KARS1: variants seen among roughly 807,000 people sequenced by gnomAD.
KARS1 encodes the protein lysine--tRNA ligase.
In KARS1, 50 loss-of-function variants were observed where a neutral mutation model predicts 63.9. The observed-to-expected ratio is 0.78, with a 90% CI of 0.62 to 0.99. KARS1 has a LOEUF of 0.99. Ranked by LOEUF, KARS1 falls within the 50% of genes least tolerant of loss-of-function variation. The pLI is 0.00. For missense variants in KARS1, 816 were observed against 754.5 expected (o/e 1.08, Z -0.95); for synonymous variants, 320 against 264.6 (o/e 1.21, Z -2.03).
Position 75,641,438 on chromosome 16 carries a change from T to C in KARS1, c.222+126A>G. ...TTTAACCAGATGCAGTGGGAGACCC[T>C]CCCTTATCCCTGGCAGTGACCTCAG... is the stretch of plus-strand genomic sequence containing the variant. On this transcript the variant is annotated intron_variant, in intron 2 of 13. Coordinates refer to ENST00000302445, the MANE Select transcript of KARS1 (RefSeq NM_005548.3). 4 of 770,920 alleles carry C rather than the reference T, an allele frequency of 5.2e-6. No homozygotes were observed. The South Asian group carries it at 6.3e-5, about 12-fold the overall frequency. 47.8% of individuals were successfully genotyped at this position (770,920 alleles called of 1,614,324 possible).
intron 9 of KARS1, 78 bp downstream of exon 9, chr16:75,631,338 C>A (rs543972962): frequency 5.1e-6 from 8 of 1,582,646 alleles, no homozygotes; most frequent in African/African-American, 4.0e-5. Flanking sequence ...GTGGGAAATT[C>A]TAGCTCTGAC....
rs749059719 is a variant in KARS1 at position 75,631,688 on chromosome 16, G to C, written c.1078+5C>G. 1 of 1,614,082 alleles carries C rather than the reference G, an allele frequency of 6.2e-7. No individual in the cohort carries two copies. Among genetic ancestry groups the C allele is most frequent in the African/African-American group, 1.3e-5 (1 of 74,926 alleles). On this transcript the variant is annotated splice_donor_5th_base_variant and intron_variant, in intron 8 of 13. Coordinates refer to ENST00000302445, the MANE Select transcript of KARS1 (RefSeq NM_005548.3). ...CCGATGAGTATGAGAGAGAGCAGGA[G>C]TCACCTGAAACCATCTTCTCCGTGA... is the stretch of plus-strand genomic sequence containing the variant.
At chr16:75,639,565 A>G (rs1395907103) in intron 3 of KARS1, among the ~76,000 whole-genome samples, 7 of 114,458 alleles carry the variant, frequency 6.1e-5, no homozygotes, top group East Asian at 4.1e-4. Context: ...GAGTGAGACT[A>G]TATCTCAAAA....
chr16:75,639,257 A>T (rs906717436), intron 3 of KARS1, among the ~76,000 whole-genome samples: 11 of 151,930 alleles, frequency 7.2e-5, no homozygotes, highest in Non-Finnish European at 1.2e-4. Context: ...AGAATACTGA[A>T]CTAGAATAAC....
intron 1 of KARS1, among the ~76,000 whole-genome samples, chr16:75,642,491 C>A (rs187588111): frequency 7.2e-4 from 109 of 152,196 alleles, no homozygotes; most frequent in African/African-American, 2.6e-3. Context: ...TGTGAGCCAC[C>A]TGACCCCTCC....
At chr16:75,637,390 T>C (rs1198649081) in intron 3 of KARS1, among the ~76,000 whole-genome samples, 1 of 151,486 alleles carries the variant, frequency 6.6e-6, no homozygotes, top group African/African-American at 2.4e-5. Flanking sequence ...CTCTGGAAAA[T>C]GTGAACCTTT....
chr16:75,640,463 C>G, intron 2 of KARS1, 114 bp from the exon 3 acceptor site: 1 of 979,416 alleles, frequency 1.0e-6, no homozygotes, highest in Non-Finnish European at 1.6e-6. Flanking sequence ...ACATTGTTTT[C>G]TTTAACCAAG....
At chr16:75,642,242 G>C (rs1262337555) in intron 1 of KARS1, among the ~76,000 whole-genome samples, 1 of 128,418 alleles carries the variant, frequency 7.8e-6, no homozygotes, top group Non-Finnish European at 1.6e-5. Context: ...TTTGCTCTGT[G>C]GCCCAGGCTG....
intron 1 of KARS1, chr16:75,644,378 G>A (rs557984743): frequency 1.2e-6 from 2 of 1,612,698 alleles, no homozygotes; most frequent in East Asian, 2.2e-5. Context: ...CTGCCCAGGA[G>A]GTTTTGCGCA....
Position 75,630,451 on chromosome 16 carries a change from G to T in KARS1, c.1396C>A (p.Pro466Thr). ...CINPTFICDH[P>T]QIMSPLAKWH... ...TTAGCCAAAGGGCTCATTATCTGTG[G>T]GTGATCACAGATGAATGTAGGATTG... The change falls in exon 11 of 14, where the codon CCA (proline) becomes ACA (threonine). Residue 466 changes from proline to threonine, a missense_variant. Coordinates refer to ENST00000302445, the MANE Select transcript of KARS1 (RefSeq NM_005548.3). The T allele has an allele frequency of 6.2e-7, 1 of 1,609,304 alleles. No individual in the cohort carries two copies. The highest frequency in any genetic ancestry group is 8.5e-7 in the Non-Finnish European group (1 of 1,176,432).
In KARS1 at chr16:75,636,624, C is replaced by T. The variant is rs532266644; in HGVS notation, c.389-77G>A. 148 of 955,390 alleles carry T rather than the reference C, an allele frequency of 1.5e-4. 2 individuals carry two copies. In the South Asian group the frequency reaches 2.0e-3, roughly 13 times the overall value. 59.2% of individuals were successfully genotyped at this position (955,390 alleles called of 1,614,324 possible). On this transcript the variant is annotated intron_variant, in intron 3 of 13. Transcript: ENST00000302445. ...TGGTATCAGTGTCAAAAAAAAACTCCCTCTGCATTTTTTTTTTTGTTTTTT... is the reference window on the plus strand; with the variant it reads ...TGGTATCAGTGTCAAAAAAAAACTCTCTCTGCATTTTTTTTTTTGTTTTTT...
intron 7 of KARS1, among the ~76,000 whole-genome samples, chr16:75,633,021 TG>T (rs371039194): frequency 4.6e-5 from 7 of 152,082 alleles, no homozygotes; most frequent in African/African-American, 7.2e-5. Flanking sequence ...ATGGCCCTCT[TG>T]GGGGGAGGTT....
intron 7 of KARS1, among the ~76,000 whole-genome samples, chr16:75,632,120 C>A (rs896293339): frequency 2.0e-5 from 3 of 152,058 alleles, no homozygotes; most frequent in African/African-American, 7.2e-5. Flanking sequence ...GAACTCCCGA[C>A]CTCAGGTGAT....
chr16:75,633,894 G>GT (rs1282494783), intron 7 of KARS1: 6 of 400,064 alleles, frequency 1.5e-5, no homozygotes, highest in African/African-American at 4.1e-5. Flanking sequence ...TCTAATCCAC[G>GT]TAAGACTTTA....
chr16:75,641,475 C>A (rs905892543), intron 2 of KARS1, 89 bp downstream of exon 2: 1 of 1,133,502 alleles, frequency 8.8e-7, no homozygotes, highest in East Asian at 2.5e-5. Context: ...CGTACTGGTC[C>A]CTCCTACTGT....
Position 75,630,411 on chromosome 16 carries a change from C to G in KARS1, c.1424+12G>C. On this transcript the variant is annotated intron_variant, in intron 11 of 13. Transcript: ENST00000302445. ...GGGGCTGTTATGCAGCAATAGGTAA[C>G]TGGAATCTTACCATTTAGCCAAAGG... 1.3e-6 allele frequency: 2 copies of G among 1,527,924 alleles called. No individual in the cohort carries two copies. The highest frequency in any genetic ancestry group is 1.8e-6 in the Non-Finnish European group (2 of 1,104,656). The allele number at this position is 1,527,924 out of a possible 1,614,324, so 94.6% of individuals were successfully genotyped here.
intron 10 of KARS1, 96 bp from the exon 11 acceptor site, chr16:75,630,604 T>C (rs1042464623): frequency 4.9e-5 from 36 of 727,618 alleles, no homozygotes; most frequent in Non-Finnish European, 7.3e-5. Context: ...TCCAGATGGG[T>C]TTATCCTATA....
At chr16:75,646,569 C>T (rs2082286582) in intron 1 of KARS1, among the ~76,000 whole-genome samples, 2 of 151,548 alleles carry the variant, frequency 1.3e-5, no homozygotes, top group Non-Finnish European at 1.5e-5. Flanking sequence ...CATCATTTCT[C>T]TTTTCTTTTT....
Position 75,631,817 on chromosome 16 carries a change from A to G in KARS1, c.954T>C (p.Ile318=), listed in dbSNP as rs756054568. The stretch of plus-strand genomic sequence containing the variant: ...TCCCCTCATTCCGGAACTGGCGTCC[A>G]ATTTCATAAACCCGGTCGATGCCAC... The part of the protein sequence containing the change: ...VVGGIDRVYE[I]GRQFRNEGID... Residue 318 remains isoleucine (I), a synonymous_variant, in exon 8 of 14, where the codon ATT becomes ATC. Coordinates refer to ENST00000302445, the MANE Select transcript of KARS1 (RefSeq NM_005548.3). 3.1e-6 allele frequency: 5 copies of G among 1,614,200 alleles called. No homozygotes were observed. In the South Asian group the frequency reaches 5.5e-5, roughly 18 times the overall value.
Sources: gnomAD v4.1 joint callset for allele counts (sites outside exome capture counted in the v4.1 genomes callset) on GRCh38, gnomAD v4.1.1 for gene constraint, MANE v1.5 for transcripts, NCBI Gene and HGNC (gene_info 2026-07-23, HGNC 2026-07-21) for gene names.